Variants in UBXN11 observed in about 807,000 individuals in gnomAD.
The protein encoded by UBXN11 is UBX domain protein 11, also known as UBX domain-containing protein 11.
Under a neutral mutation model 62.8 loss-of-function variants are expected in UBXN11, and 47 were observed. The ratio of observed to expected loss-of-function variants is 0.75; its 90% CI spans 0.59 to 0.95. The LOEUF is 0.95. Among genes scored for constraint, UBXN11 ranks in the 40% least tolerant of loss-of-function variants. UBXN11 has a pLI of 0.00. For synonymous variants in UBXN11, 294 were observed against 267.0 expected (o/e 1.10, Z -0.99); for missense variants, 638 against 661.7 (o/e 0.96, Z 0.39).
Position 26,282,421 on chromosome 1 carries a change from A to G in UBXN11, c.1441T>C (p.Phe481Leu). ...GGACCGGGACAGGGACCAGGACTGA[A>G]TTTCAGGCTGGACTTCGGGGCTCGG... ...ARRAPKSSLKFSPGPCPGPGP... is the reference protein window; with the variant it reads ...ARRAPKSSLKLSPGPCPGPGP... The change falls in exon 15 of 15, where the codon TTC becomes CTC. Residue 481 changes from phenylalanine to leucine, a missense_variant. By Grantham distance (22) the Phe-to-Leu change is conservative. Transcript: ENST00000374222. The G allele has an allele frequency of 2.5e-6, 4 of 1,581,368 alleles. No individual in the cohort carries two copies. The highest frequency in any genetic ancestry group is 1.1e-5 in the South Asian group (1 of 89,082).
At chr1:26,287,436 G>C (rs1470095933) in intron 8 of UBXN11, among the ~76,000 whole-genome samples, 8 of 152,140 alleles carry the variant, frequency 5.3e-5, no homozygotes, top group Non-Finnish European at 7.4e-5. Context: ...CAGACCAGGG[G>C]CCTGTTCTGT....
chr1:26,296,726 C>T (rs2073402945), intron 7 of UBXN11, among the ~76,000 whole-genome samples, 193 bp downstream of exon 7: 2 of 152,206 alleles, frequency 1.3e-5, no homozygotes, highest in African/African-American at 4.8e-5. Flanking sequence ...GGGTGTGCCC[C>T]AGCCCCAGAC....
At chr1:26,300,834 G>T in intron 4 of UBXN11, 92 bp downstream of exon 4, 1 of 1,588,150 alleles carries the variant, frequency 6.3e-7, no homozygotes. Flanking sequence ...CCAAACAGGC[G>T]AGAGGAAGGG....
chr1:26,282,633 C>T lies in UBXN11; in HGVS notation c.1292+16G>A, dbSNP rs1306667999. 6.2e-7 allele frequency: 1 copy of T among 1,613,722 alleles called. No individual in the cohort carries two copies. The highest frequency in any genetic ancestry group is 8.5e-7 in the Non-Finnish European group (1 of 1,179,902). On this transcript the variant is annotated intron_variant, in intron 14 of 14. Transcript: ENST00000374222. ...ACCAGAGCCCCTCTGTGGCCCTGGC[C>T]CTGCCCTGCACCCACCTGGCCTGCG...
At chr1:26,315,137 G>T (rs1012381033) in intron 1 of UBXN11, among the ~76,000 whole-genome samples, 9 of 152,186 alleles carry the variant, frequency 5.9e-5, no homozygotes, top group African/African-American at 2.2e-4. Flanking sequence ...GGCTTTCCTT[G>T]CAGAGGAAAT....
chr1:26,294,346 G>A lies in UBXN11; in HGVS notation c.433-15C>T, dbSNP rs1353031341. On this transcript the variant is annotated splice_polypyrimidine_tract_variant and intron_variant, in intron 7 of 14. Coordinates refer to ENST00000374222, the MANE Select transcript of UBXN11 (RefSeq NM_001389556.1). Reference sequence around the variant, plus strand: ...CTGAGGAACCGCTGTGGGAAAGAAGGGGGAGATGCGGGGCACCGTCAGCTC... The same window carrying A: ...CTGAGGAACCGCTGTGGGAAAGAAGAGGGAGATGCGGGGCACCGTCAGCTC... The A allele has an allele frequency of 2.0e-6, 3 of 1,494,354 alleles. No homozygotes were observed. Among genetic ancestry groups the A allele is most frequent in the East Asian group, 4.6e-5 (2 of 43,696 alleles). The allele number at this position is 1,494,354 out of a possible 1,614,324, so 92.6% of individuals were successfully genotyped here.
At chr1:26,285,640 A>C in intron 9 of UBXN11, 99 bp from the exon 10 acceptor site, 1 of 1,384,470 alleles carries the variant, frequency 7.2e-7, no homozygotes, top group Non-Finnish European at 9.7e-7. Flanking sequence ...AGGGTCACCC[A>C]GTGCCGCACT....
upstream of UBXN11, among the ~76,000 whole-genome samples, chr1:26,309,336 G>A (rs1028486006): frequency 2.7e-5 from 4 of 146,574 alleles, no homozygotes; most frequent in Non-Finnish European, 4.5e-5. Flanking sequence ...CAACTCTCTG[G>A]TTCGAGCAAT....
intron 10 of UBXN11, chr1:26,284,692 G>A (rs2073085331): frequency 1.3e-5 from 17 of 1,338,684 alleles, no homozygotes; most frequent in East Asian, 3.0e-5. Flanking sequence ...CCCCATCCAC[G>A]CCAGCTGAAG....
intron 2 of UBXN11, 33 bp downstream of exon 2, chr1:26,302,780 G>A: frequency 1.9e-6 from 3 of 1,597,824 alleles, no homozygotes; most frequent in Non-Finnish European, 2.6e-6. Flanking sequence ...TACAGAGGCG[G>A]GGACAGAAAG....
rs537036863 is a variant in UBXN11 at position 26,299,767 on chromosome 1, A to C, written c.199+1159T>G. On this transcript the variant is annotated intron_variant, in intron 4 of 14. Coordinates refer to ENST00000374222, the MANE Select transcript of UBXN11 (RefSeq NM_001389556.1). ...GCTGGGAGTGGGAGAGGAGGGGATG[A>C]CAGGGGAAAGCAGGGAGAGGACACC... Among the ~76,000 whole-genome samples, 6 of 152,206 alleles carry C rather than the reference A, an allele frequency of 3.9e-5. No individual in the cohort carries two copies. The East Asian group carries it at 1.2e-3, about 29-fold the overall frequency.
Position 26,302,849 on chromosome 1 carries a change from C to G in UBXN11, c.35G>C (p.Arg12Pro), listed in dbSNP as rs376498767. 19 of 1,613,734 alleles carry G rather than the reference C, an allele frequency of 1.2e-5. No individual in the cohort carries two copies. Among genetic ancestry groups the G allele is most frequent in the Non-Finnish European group, 1.5e-5 (18 of 1,179,898 alleles). ...SSPLASLSKT[R>P]KVPLPSEPMN... The stretch of plus-strand genomic sequence containing the variant: ...AGGCTCCGAGGGCAGGGGCACTTTT[C>G]GGGTCTTGCTAAGGGAGGCCAAAGG... Residue 12 changes from arginine to proline, a missense_variant, in exon 2 of 15, where the codon CGA (arginine) becomes CCA (proline). Physicochemically the swap from Arg to Pro is moderately radical, Grantham distance 103. Coordinates refer to ENST00000374222, the MANE Select transcript of UBXN11 (RefSeq NM_001389556.1).
At chr1:26,287,095 T>C (rs1297800671) in intron 8 of UBXN11, among the ~76,000 whole-genome samples, 2 of 151,886 alleles carry the variant, frequency 1.3e-5, no homozygotes, top group Non-Finnish European at 2.9e-5. Flanking sequence ...GAGGAGGAAC[T>C]GGGAAGGGAG....
intron 7 of UBXN11, among the ~76,000 whole-genome samples, chr1:26,296,634 C>G (rs887283034): frequency 6.6e-6 from 1 of 152,138 alleles, no homozygotes; most frequent in Non-Finnish European, 1.5e-5. Flanking sequence ...GGGGCCACAG[C>G]GAGGACTGTA....
intron 1 of UBXN11, among the ~76,000 whole-genome samples, chr1:26,317,574 T>C (rs989564473): frequency 1.1e-4 from 16 of 152,230 alleles, no homozygotes; most frequent in African/African-American, 3.4e-4. Context: ...TCTGCTATGT[T>C]CTGGCTCTTT....
chr1:26,301,116 C>A, intron 3 of UBXN11, 92 bp from the exon 4 acceptor site: 1 of 1,596,676 alleles, frequency 6.3e-7, no homozygotes, highest in Non-Finnish European at 8.5e-7. Context: ...GCGGCCTATG[C>A]ACTGTGCCCC....
exon 1 of UBXN11, chr1:26,318,089 C>A: frequency 6.2e-7 from 1 of 1,611,872 alleles, no homozygotes; most frequent in Non-Finnish European, 8.5e-7. Flanking sequence ...CAACGCCTGG[C>A]ACCACTGCCA....
chr1:26,315,723 G>C (rs915243314), intron 1 of UBXN11, among the ~76,000 whole-genome samples: 1 of 151,894 alleles, frequency 6.6e-6, no homozygotes, highest in African/African-American at 2.4e-5. Context: ...GCAATGGCAC[G>C]ATCTCGGCTC....
intron 1 of UBXN11, among the ~76,000 whole-genome samples, chr1:26,303,630 CAAAA>C (rs5773154): frequency 1.2e-5 from 1 of 80,066 alleles, no homozygotes; most frequent in Non-Finnish European, 2.2e-5. Context: ...AACTCCATCT[CAAAA>C]AAAAAAAAAA....
Sources: gnomAD v4.1 joint callset for allele counts (sites outside exome capture counted in the v4.1 genomes callset) on GRCh38, gnomAD v4.1.1 for gene constraint, MANE v1.5 for transcripts, NCBI Gene and HGNC (gene_info 2026-07-23, HGNC 2026-07-21) for gene names.